Variants in ROBO3 observed in about 807,000 individuals in gnomAD.
The protein encoded by ROBO3 is roundabout homolog 3.
A neutral mutation model predicts 160.5 loss-of-function variants in ROBO3; 97 were observed. The ratio of observed to expected loss-of-function variants is 0.60; its 90% CI spans 0.51 to 0.72. The LOEUF (loss-of-function observed/expected upper bound fraction) is 0.72. ROBO3 is among the 30% of genes least tolerant of loss of function. ROBO3 has a pLI of 0.00. For missense variants in ROBO3, 1,858 were observed against 1,846.5 expected (o/e 1.01, Z -0.11); for synonymous variants, 780 against 746.2 (o/e 1.05, Z -0.74).
In ROBO3 at chr11:124,881,289, G is replaced by C; in HGVS notation, c.*39G>C. The C allele has an allele frequency of 6.3e-7, 1 of 1,585,246 alleles. No homozygotes were observed. Among genetic ancestry groups the C allele is most frequent in the Non-Finnish European group, 8.6e-7 (1 of 1,163,150 alleles). ...ATTGAGAATATCATGAGTGCCACGG[G>C]GAAGGGGAGTAGGGATGTCTTTTCC... is the stretch of plus-strand genomic sequence containing the variant. On this transcript the variant is annotated 3_prime_UTR_variant, in exon 28 of 28. Transcript: ENST00000397801.
At position 124,872,588 on chromosome 11, in the gene ROBO3, T is replaced by C. The variant is rs886082290; in HGVS notation, c.1330+36T>C. ...ATGGAGATAGGACTGGATCCATGGC[T>C]TGGGAGGAAATAATGGCCTAAAGTG... On this transcript the variant is annotated intron_variant, in intron 8 of 27. Transcript: ENST00000397801. The surrounding 1 kb of genome is among the most constrained non-coding windows in gnomAD (Gnocchi z 4.3). 1.3e-6 allele frequency: 2 copies of C among 1,588,438 alleles called. No individual in the cohort carries two copies. Among genetic ancestry groups the C allele is most frequent in the Non-Finnish European group, 1.7e-6 (2 of 1,161,298 alleles).
At position 124,876,988 on chromosome 11, in the gene ROBO3, G is replaced by A; in HGVS notation, c.2780-173G>A. 1 of 759,332 alleles carries A rather than the reference G, an allele frequency of 1.3e-6. No homozygotes were observed. The highest frequency in any genetic ancestry group is 2.3e-6 in the Non-Finnish European group (1 of 431,832). 47.0% of individuals were successfully genotyped at this position (759,332 alleles called of 1,614,324 possible). A position where few individuals can be genotyped will look rare whatever the true frequency, so the allele number is the denominator to read the frequency against. ...CATAGGAATCACTTGAGGGGCTTGA[G>A]AAAAATACCGACACCTGAGTCCCAC... On this transcript the variant is annotated intron_variant, in intron 17 of 27. Transcript: ENST00000397801. The surrounding 1 kb of genome is among the most constrained non-coding windows in gnomAD (Gnocchi z 5.3).
At position 124,873,817 on chromosome 11, in the gene ROBO3, C is replaced by G; in HGVS notation, c.1739C>G (p.Pro580Arg). The G allele has an allele frequency of 6.2e-7, 1 of 1,613,774 alleles. No individual in the cohort carries two copies. Among genetic ancestry groups the G allele is most frequent in the Non-Finnish European group, 8.5e-7 (1 of 1,179,784 alleles). The change falls in exon 11 of 28, where the codon CCA becomes CGA. Residue 580 changes from proline to arginine, a missense_variant. Pro to Arg is a moderately radical substitution (Grantham distance 103, BLOSUM62 -2). Transcript: ENST00000397801. The surrounding 1 kb of genome is among the most constrained non-coding windows in gnomAD (Gnocchi z 4.5). ...NSITLTWKPN[P>R]QTGAAVTSYV... is the part of the protein sequence containing the mutation. The stretch of plus-strand genomic sequence containing the variant: ...ATTACCCTGACCTGGAAGCCCAACC[C>G]ACAAACTGGGGCTGCAGTCACGTCT...
At chr11:124,881,069 CAAACA>C (rs1045041993) in intron 27 of ROBO3, among the ~76,000 whole-genome samples, 165 bp from the exon 28 acceptor site, 6 of 151,978 alleles carry the variant, frequency 3.9e-5, no homozygotes, top group Non-Finnish European at 8.8e-5. Flanking sequence ...AACAAACAGA[CAAACA>C]AAACAAAAGA....
chr11:124,872,601 A>G lies in ROBO3; in HGVS notation c.1330+49A>G. 6.4e-7 allele frequency: 1 copy of G among 1,558,804 alleles called. No individual in the cohort carries two copies. ...TGGATCCATGGCTTGGGAGGAAATA[A>G]TGGCCTAAAGTGATGTGTTTCTCTT... On this transcript the variant is annotated intron_variant, in intron 8 of 27. Coordinates refer to ENST00000397801, the MANE Select transcript of ROBO3 (RefSeq NM_022370.4). The surrounding 1 kb of genome is among the most constrained non-coding windows in gnomAD (Gnocchi z 4.3).
chr11:124,877,337 A>C (rs754540395), intron 19 of ROBO3, 28 bp downstream of exon 19: 5 of 1,613,276 alleles, frequency 3.1e-6, no homozygotes, highest in South Asian at 1.1e-5. Context: ...TTTCCTCAGG[A>C]TGACCTCCAC....
In ROBO3 at chr11:124,865,853, C is replaced by G. The variant is rs1946189319; in HGVS notation, c.160+116C>G. 8.5e-7 allele frequency: 1 copy of G among 1,174,088 alleles called. No individual in the cohort carries two copies. Among genetic ancestry groups the G allele is most frequent in the East Asian group, 2.6e-5 (1 of 38,804 alleles). 72.7% of individuals were successfully genotyped at this position (1,174,088 alleles called of 1,614,324 possible). On this transcript the variant is annotated intron_variant, in intron 1 of 27. Transcript: ENST00000397801. The surrounding 1 kb of genome is among the most constrained non-coding windows in gnomAD (Gnocchi z 5.5). ...GAGGTCCGGGATTGAGTGGCGCCTC[C>G]CAGCGCCTCCCTGGGTCGTGGGGTC...
At position 124,878,023 on chromosome 11, in the gene ROBO3, GC is replaced by G. The variant is rs1424255281; in HGVS notation, c.3074del (p.Ala1025GlyfsTer43). The G allele has an allele frequency of 1.9e-6, 3 of 1,612,576 alleles. No homozygotes were observed. Among genetic ancestry groups the G allele is most frequent in the South Asian group, 2.2e-5 (2 of 90,778 alleles). ...TCCTGTCTATAGCACCATTGACCCAGCGGGGGAGGAGCTGCAGACCTTCCAT... is the reference window on the plus strand; with the variant it reads ...TCCTGTCTATAGCACCATTGACCCAGGGGGGAGGAGCTGCAGACCTTCCAT... ...EGPVYSTIDP[A>X]GEELQTFHGG... On this transcript the variant is annotated frameshift_variant, in exon 21 of 28. Coordinates refer to ENST00000397801, the MANE Select transcript of ROBO3 (RefSeq NM_022370.4). LOFTEE classifies it high-confidence loss of function. This position sits in a 1 kb window ranked among gnomAD's most constrained non-coding sequence, Gnocchi z 4.3.
chr11:124,869,043 G>C lies in ROBO3; in HGVS notation c.402G>C (p.Ala134=), dbSNP rs1489566217. The C allele has an allele frequency of 3.7e-6, 6 of 1,602,596 alleles. No individual in the cohort carries two copies. The highest frequency in any genetic ancestry group is 3.4e-6 in the Non-Finnish European group (4 of 1,175,232). The change falls in exon 2 of 28, where the codon GCG becomes GCC. Residue 134 remains alanine (A), a synonymous_variant. Coordinates refer to ENST00000397801, the MANE Select transcript of ROBO3 (RefSeq NM_022370.4). The surrounding 1 kb of genome is among the most constrained non-coding windows in gnomAD (Gnocchi z 4.2). ...FFPRIVHGRR[A]RPDEGVYTCV... is the part of the protein sequence containing the mutation. ...CGCGCATCGTGCACGGGCGCCGCGCGCGGCCGGACGAAGGTGTCTACACTT... is the reference window on the plus strand; with the variant it reads ...CGCGCATCGTGCACGGGCGCCGCGCCCGGCCGGACGAAGGTGTCTACACTT...
In ROBO3 at chr11:124,881,308, C is replaced by A; in HGVS notation, c.*58C>A. The A allele has an allele frequency of 6.5e-7, 1 of 1,537,658 alleles. No individual in the cohort carries two copies. The highest frequency in any genetic ancestry group is 8.9e-7 in the Non-Finnish European group (1 of 1,126,806). ...CCACGGGGAAGGGGAGTAGGGATGT[C>A]TTTTCCCCCCCAGCAGTGATGAGTG... On this transcript the variant is annotated 3_prime_UTR_variant, in exon 28 of 28. Transcript: ENST00000397801.
Position 124,874,860 on chromosome 11 carries a change from T to A in ROBO3, c.2024T>A (p.Leu675Gln). 6.2e-7 allele frequency: 1 copy of A among 1,601,484 alleles called. No homozygotes were observed. Among genetic ancestry groups the A allele is most frequent in the Non-Finnish European group, 8.5e-7 (1 of 1,174,184 alleles). ...QQGLAEVAVR[L>Q]QEPIVLGPRT... ...GGACTGGCGGAAGTGGCTGTGCGCC[T>A]GCAGGAGCCCATAGTCCTGGGACCC... Residue 675 changes from leucine to glutamine, a missense_variant, in exon 13 of 28, where the codon CTG becomes CAG. Transcript: ENST00000397801.
chr11:124,879,217 T>C lies in ROBO3; in HGVS notation c.3561T>C (p.Pro1187=). ...GGGTGCCCCTTGGGCCGAGTTCCCCTCTCAGTGTATCCCAGCCCATGCTGG... is the reference window on the plus strand; with the variant it reads ...GGGTGCCCCTTGGGCCGAGTTCCCCCCTCAGTGTATCCCAGCCCATGCTGG... The part of the protein sequence containing the change: ...PRRVPLGPSS[P]LSVSQPMLGI... The change falls in exon 24 of 28, where the codon CCT becomes CCC. Residue 1187 remains proline (P), a synonymous_variant. Transcript: ENST00000397801. The C allele has an allele frequency of 6.4e-7, 1 of 1,553,426 alleles. No individual in the cohort carries two copies. The highest frequency in any genetic ancestry group is 2.0e-5 in the Admixed American group (1 of 51,142).
chr11:124,871,380 G>C (rs141087386), intron 7 of ROBO3, among the ~76,000 whole-genome samples: 1 of 152,366 alleles, frequency 6.6e-6, no homozygotes, highest in Admixed American at 6.5e-5. Flanking sequence ...GTCCTGGATG[G>C]TAGGTTCTTA....
Position 124,877,888 on chromosome 11 carries a change from C to T in ROBO3, c.2987-49C>T, listed in dbSNP as rs776418988. ...TCCCTTTGTCTTCCATTCTGTTGTC[C>T]TCTATGTTTCTGTCTCTGCTTCCGG... is the stretch of plus-strand genomic sequence containing the variant. On this transcript the variant is annotated intron_variant, in intron 20 of 27. Transcript: ENST00000397801. The T allele has an allele frequency of 2.3e-6, 3 of 1,333,256 alleles. No homozygotes were observed. In the African/African-American group the frequency reaches 4.4e-5, roughly 19 times the overall value. 82.6% of individuals were successfully genotyped at this position (1,333,256 alleles called of 1,614,324 possible).
chr11:124,878,174 G>A lies in ROBO3; in HGVS notation c.3181+43G>A, dbSNP rs778544489. The A allele has an allele frequency of 1.9e-6, 3 of 1,574,220 alleles. No homozygotes were observed. Among genetic ancestry groups the A allele is most frequent in the Non-Finnish European group, 2.6e-6 (3 of 1,157,700 alleles). ...GAAACCCCGTTTAGCCCTGACCAGG[G>A]TATCCCCAAAGAGGATCCTCCTCCC... is the stretch of plus-strand genomic sequence containing the variant. On this transcript the variant is annotated intron_variant, in intron 21 of 27. Coordinates refer to ENST00000397801, the MANE Select transcript of ROBO3 (RefSeq NM_022370.4). This position sits in a 1 kb window ranked among gnomAD's most constrained non-coding sequence, Gnocchi z 4.3.
At position 124,877,180 on chromosome 11, in the gene ROBO3, G is replaced by A; in HGVS notation, c.2799G>A (p.Pro933=). 2 of 1,613,880 alleles carry A rather than the reference G, an allele frequency of 1.2e-6. No individual in the cohort carries two copies. The highest frequency in any genetic ancestry group is 1.7e-6 in the Non-Finnish European group (2 of 1,179,864). Residue 933 remains proline, a synonymous_variant, in exon 18 of 28, where the codon CCG becomes CCA. Transcript: ENST00000397801. The part of the protein sequence containing the change: ...SHYTASFAYT[P]AVSFPHSEGL... ...TGGAAGCCTCTTTTGCCTACACACC[G>A]GCAGGTAAGCCATCTCTGCCCCAGT...
chr11:124,877,072 C>A, intron 17 of ROBO3, 89 bp from the exon 18 acceptor site: 1 of 1,435,380 alleles, frequency 7.0e-7, no homozygotes, highest in South Asian at 1.1e-5. Flanking sequence ...GAACTGGGAC[C>A]GGGGCCTAGG....
chr11:124,880,261 C>T (rs576420060), intron 26 of ROBO3, among the ~76,000 whole-genome samples, 157 bp from the exon 27 acceptor site: 4 of 152,220 alleles, frequency 2.6e-5, no homozygotes, highest in Admixed American at 6.5e-5. Flanking sequence ...GGCCATGTGC[C>T]GGTCACTCTG....
Position 124,876,377 on chromosome 11 carries a change from C to T in ROBO3, c.2696C>T (p.Ala899Val), listed in dbSNP as rs1392974134. 4.2e-6 allele frequency: 6 copies of T among 1,443,530 alleles called. No individual in the cohort carries two copies. Among genetic ancestry groups the T allele is most frequent in the Non-Finnish European group, 5.4e-6 (6 of 1,106,054 alleles). The allele number at this position is 1,443,530 out of a possible 1,614,324, so 89.4% of individuals were successfully genotyped here. ...CCCGCCTTCCTCGCGGGCAGCGGCG[C>T]AGCCTGCGGGGCGCTGCTTCTCGGG... The part of the protein sequence containing the change: ...REPAFLAGSG[A>V]ACGALLLGLC... The change falls in exon 17 of 28, where the codon GCA becomes GTA. Residue 899 changes from alanine (A) to valine (V), a missense_variant. Physicochemically the swap from Ala to Val is moderately conservative, Grantham distance 64. Transcript: ENST00000397801. The surrounding 1 kb of genome is among the most constrained non-coding windows in gnomAD (Gnocchi z 5.3).
Sources: gnomAD v4.1 joint callset for allele counts (sites outside exome capture counted in the v4.1 genomes callset) on GRCh38, gnomAD v4.1.1 for gene constraint, Gnocchi (gnomAD v3.1) non-coding constraint, MANE v1.5 for transcripts, NCBI Gene and HGNC (gene_info 2026-07-23, HGNC 2026-07-21) for gene names.